Variants in SLC24A2 observed in about 807,000 individuals in gnomAD.
SLC24A2 encodes the protein solute carrier family 24 member 2, also known as sodium/potassium/calcium exchanger 2.
In SLC24A2, 36 loss-of-function variants were observed where a neutral mutation model predicts 62.0. That is an observed-to-expected ratio of 0.58 (90% CI 0.44 to 0.77). The LOEUF (loss-of-function observed/expected upper bound fraction) is 0.77, where lower values mean the gene tolerates loss of function less well. Among genes scored for constraint, SLC24A2 ranks in the 30% least tolerant of loss-of-function variants. The pLI is 0.00. For missense variants in SLC24A2, 846 were observed against 817.9 expected (o/e 1.03, Z -0.42); for synonymous variants, 358 against 294.0 (o/e 1.22, Z -2.23).
chr9:19,803,106 A>T, the SLC24A2 span, among the ~76,000 whole-genome samples: 2 of 152,186 alleles, frequency 1.3e-5, no homozygotes, highest in Admixed American at 1.3e-4. Context: ...TCTATTCTTT[A>T]TAAGCCACCC....
At chr9:19,826,243 G>A in the SLC24A2 span, among the ~76,000 whole-genome samples, 2 of 146,050 alleles carry the variant, frequency 1.4e-5, no homozygotes, top group Admixed American at 6.8e-5. Context: ...TTCATTAAAA[G>A]AAGAAAAGAT....
the SLC24A2 span, among the ~76,000 whole-genome samples, chr9:19,829,763 A>ATG: frequency 2.6e-5 from 2 of 76,146 alleles, no homozygotes; most frequent in East Asian, 3.2e-4. Context: ...TTTTATATAT[A>ATG]TATGTGTGTG....
chr9:19,554,709 C>G (rs1834997464), intron 7 of SLC24A2, among the ~76,000 whole-genome samples: 1 of 152,312 alleles, frequency 6.6e-6, no homozygotes, highest in African/African-American at 2.4e-5. Context: ...CACCCTTCCT[C>G]CTTCCTTCCT....
the SLC24A2 span, among the ~76,000 whole-genome samples, chr9:20,173,994 A>C: frequency 3.9e-5 from 6 of 152,166 alleles, no homozygotes; most frequent in African/African-American, 1.4e-4. Context: ...ACTGGTATAA[A>C]AGTAGGCACA....
the SLC24A2 span, among the ~76,000 whole-genome samples, chr9:20,256,662 C>T: frequency 6.6e-6 from 1 of 152,038 alleles, no homozygotes; most frequent in African/African-American, 2.4e-5. Flanking sequence ...CTGTGCAGTT[C>T]TTAGGTTCAG....
chr9:19,715,092 A>C (rs1055573661), intron 2 of SLC24A2, among the ~76,000 whole-genome samples: 28 of 152,110 alleles, frequency 1.8e-4, no homozygotes, highest in Admixed American at 1.3e-4. Context: ...TAATAATAAT[A>C]ATCAGGAAAT....
At chr9:19,871,847 C>G in the SLC24A2 span, among the ~76,000 whole-genome samples, 2 of 152,044 alleles carry the variant, frequency 1.3e-5, no homozygotes, top group South Asian at 4.1e-4. Flanking sequence ...CTCATTTTTA[C>G]TGGTTATTTT....
At chr9:20,168,716 A>G in the SLC24A2 span, among the ~76,000 whole-genome samples, 2 of 152,042 alleles carry the variant, frequency 1.3e-5, no homozygotes, top group African/African-American at 4.8e-5. Context: ...AAGTGCTGGC[A>G]AGAATGTAGA....
At chr9:20,068,056 TC>T in the SLC24A2 span, among the ~76,000 whole-genome samples, 2 of 135,550 alleles carry the variant, frequency 1.5e-5, no homozygotes, top group Admixed American at 7.4e-5. Flanking sequence ...ATTTTTTGAC[TC>T]TTTTTTTTTT....
intron 2 of SLC24A2, among the ~76,000 whole-genome samples, chr9:19,693,655 A>G (rs760437748): frequency 3.3e-5 from 5 of 152,136 alleles, no homozygotes; most frequent in Non-Finnish European, 7.4e-5. Flanking sequence ...GATAAGCACT[A>G]AAGTCATCTT....
chr9:19,839,983 G>A, the SLC24A2 span, among the ~76,000 whole-genome samples: 1 of 152,152 alleles, frequency 6.6e-6, no homozygotes, highest in East Asian at 1.9e-4. Context: ...AGTACACTCT[G>A]TGTTGTTTGA....
At chr9:19,731,539 G>GTGTA (rs1821337947) in intron 2 of SLC24A2, among the ~76,000 whole-genome samples, 1 of 126,378 alleles carries the variant, frequency 7.9e-6, no homozygotes, top group African/African-American at 2.5e-5. Flanking sequence ...GTGTGTGTGT[G>GTGTA]TGTGCATGTG....
intron 2 of SLC24A2, among the ~76,000 whole-genome samples, chr9:19,750,621 C>T (rs750213222): frequency 2.0e-5 from 3 of 152,086 alleles, no homozygotes; most frequent in African/African-American, 7.2e-5. Flanking sequence ...CTCTTTTCAT[C>T]GATATCTTTA....
At chr9:20,194,710 A>ATT in the SLC24A2 span, among the ~76,000 whole-genome samples, 1 of 151,766 alleles carries the variant, frequency 6.6e-6, no homozygotes, top group Non-Finnish European at 1.5e-5. Flanking sequence ...CTCTCACAGT[A>ATT]TTTTTTTTCA....
chr9:20,070,650 G>C, the SLC24A2 span, among the ~76,000 whole-genome samples: 1 of 152,188 alleles, frequency 6.6e-6, no homozygotes, highest in East Asian at 1.9e-4. Flanking sequence ...ATAAAGGCCT[G>C]CTACTTAAAG....
chr9:20,298,621 C>G, the SLC24A2 span, among the ~76,000 whole-genome samples: 1 of 152,248 alleles, frequency 6.6e-6, no homozygotes, highest in African/African-American at 2.4e-5. Context: ...TATCTCAAAT[C>G]ATCATGTTTC....
chr9:20,100,516 T>C, the SLC24A2 span, among the ~76,000 whole-genome samples: 1 of 152,246 alleles, frequency 6.6e-6, no homozygotes, highest in African/African-American at 2.4e-5. Flanking sequence ...GTGCAGATAT[T>C]TGTACAAGGT....
At chr9:19,965,030 C>G in the SLC24A2 span, among the ~76,000 whole-genome samples, 1 of 152,038 alleles carries the variant, frequency 6.6e-6, no homozygotes, top group African/African-American at 2.4e-5. Context: ...ATGGAGACTG[C>G]GTAACCAGCT....
the SLC24A2 span, among the ~76,000 whole-genome samples, chr9:20,112,853 CTTTCT>C: frequency 1.3e-5 from 2 of 151,732 alleles, no homozygotes; most frequent in Non-Finnish European, 2.9e-5. Context: ...CTACCACCAT[CTTTCT>C]TTTATCTAGT....
Sources: allele counts gnomAD v4.1 joint callset (sites outside exome capture counted in the v4.1 genomes callset), GRCh38; gene constraint gnomAD v4.1.1; transcripts MANE v1.5; gene names NCBI Gene and HGNC (gene_info 2026-07-23, HGNC 2026-07-21).